Variants in CNGB3 observed in about 807,000 individuals in gnomAD.
The protein encoded by CNGB3 is cyclic nucleotide gated channel subunit beta 3, also known as cyclic nucleotide-gated channel beta-3.
CNGB3 carries 86 observed loss-of-function variants against 92.8 expected under a neutral mutation model. That is an observed-to-expected ratio of 0.93 (90% CI 0.78 to 1.11). The LOEUF (loss-of-function observed/expected upper bound fraction) is 1.11, where lower values mean the gene tolerates loss of function less well. Ranked by LOEUF, CNGB3 falls within the 50% of genes least tolerant of loss-of-function variation. The pLI, the probability that CNGB3 is intolerant of heterozygous loss-of-function variation, is 0.00. For missense variants in CNGB3, 1,026 were observed against 956.8 expected (o/e 1.07, Z -0.95); for synonymous variants, 333 against 332.7 (o/e 1.00, Z -0.01).
intron 2 of CNGB3, among the ~76,000 whole-genome samples, chr8:86,734,847 A>C (rs1443315812): frequency 6.6e-6 from 1 of 152,094 alleles, no homozygotes; most frequent in Non-Finnish European, 1.5e-5. Flanking sequence ...GGGATTTACC[A>C]ACCTCAATGC....
At chr8:86,697,953 T>C (rs1259797994) in intron 3 of CNGB3, among the ~76,000 whole-genome samples, 3 of 152,190 alleles carry the variant, frequency 2.0e-5, no homozygotes, top group Admixed American at 2.0e-4. Flanking sequence ...CATCCATGTC[T>C]CTACAAAGGA....
At chr8:86,728,586 T>G (rs1825104351) in intron 2 of CNGB3, among the ~76,000 whole-genome samples, 1 of 152,180 alleles carries the variant, frequency 6.6e-6, no homozygotes, top group Non-Finnish European at 1.5e-5. Flanking sequence ...CTTGGACAAT[T>G]ACTGTATGAT....
intron 3 of CNGB3, among the ~76,000 whole-genome samples, chr8:86,672,507 C>T (rs1484915666): frequency 1.3e-5 from 2 of 152,182 alleles, no homozygotes; most frequent in African/African-American, 4.8e-5. Flanking sequence ...TCCCTCAGAG[C>T]TCTCACTGTC....
chr8:86,580,190 C>CGGGGGT (rs1554604959), intron 15 of CNGB3, among the ~76,000 whole-genome samples: 1 of 45,044 alleles, frequency 2.2e-5, no homozygotes, highest in African/African-American at 7.1e-5. Flanking sequence ...GAGAATAGCA[C>CGGGGGT]GGGGGGGGTG....
rs1366501874 is a variant in CNGB3 at position 86,613,906 on chromosome 8, A to G, written c.1579-2235T>C. ...TATAATATAAAAATTATATATGTATATATAATATGTACATATAATATATAA... is the reference window on the plus strand; with the variant it reads ...TATAATATAAAAATTATATATGTATGTATAATATGTACATATAATATATAA... On this transcript the variant is annotated intron_variant, in intron 13 of 17. Transcript: ENST00000320005. Among the ~76,000 whole-genome samples, 3 of 147,846 alleles carry G rather than the reference A, an allele frequency of 2.0e-5. No individual in the cohort carries two copies. The East Asian group carries it at 5.8e-4, about 29-fold the overall frequency.
chr8:86,687,303 C>T (rs1156392738), intron 3 of CNGB3, among the ~76,000 whole-genome samples: 6 of 151,910 alleles, frequency 3.9e-5, no homozygotes, highest in Admixed American at 3.9e-4. Context: ...GCCAAGTGTC[C>T]ATCATTAGAT....
intron 13 of CNGB3, among the ~76,000 whole-genome samples, chr8:86,615,217 A>G (rs975510522): frequency 1.3e-5 from 2 of 152,130 alleles, no homozygotes; most frequent in African/African-American, 4.8e-5. Flanking sequence ...TATTTTTTTC[A>G]ATACTGAAAA....
intron 13 of CNGB3, among the ~76,000 whole-genome samples, chr8:86,625,582 A>T (rs915225423): frequency 6.6e-6 from 1 of 152,210 alleles, no homozygotes; most frequent in Non-Finnish European, 1.5e-5. Flanking sequence ...AATAGAAGAC[A>T]TGATTAGGTA....
intron 6 of CNGB3, chr8:86,657,650 C>T: frequency 2.4e-6 from 1 of 419,602 alleles, no homozygotes; most frequent in Non-Finnish European, 4.8e-6. Context: ...CTGGAGCGGG[C>T]TAATCAACAG....
chr8:86,654,581 A>C (rs2131603450), intron 6 of CNGB3, among the ~76,000 whole-genome samples: 1 of 152,342 alleles, frequency 6.6e-6, no homozygotes, highest in East Asian at 1.9e-4. Context: ...ACTAAATTTA[A>C]CTAGTGCCTA....
intron 6 of CNGB3, among the ~76,000 whole-genome samples, chr8:86,663,938 TAA>T (rs1445670570): frequency 1.3e-5 from 2 of 152,234 alleles, no homozygotes; most frequent in Non-Finnish European, 2.9e-5. Flanking sequence ...AAATTGAAAA[TAA>T]AAGTCTCCCT....
intron 10 of CNGB3, among the ~76,000 whole-genome samples, chr8:86,643,016 A>G (rs986092210): frequency 4.6e-5 from 7 of 151,572 alleles, no homozygotes; most frequent in Non-Finnish European, 8.9e-5. Context: ...AAGTTACCTT[A>G]CTGCTCAGTT....
chr8:86,660,785 A>G (rs1212305201), intron 6 of CNGB3: 10 of 514,384 alleles, frequency 1.9e-5, no homozygotes. Flanking sequence ...ATAAAATGGA[A>G]AATTGTCCTG....
chr8:86,733,407 A>C (rs1289101377), intron 2 of CNGB3, among the ~76,000 whole-genome samples: 1 of 152,366 alleles, frequency 6.6e-6, no homozygotes, highest in African/African-American at 2.4e-5. Context: ...TGAACATACA[A>C]GAATGCATGT....
chr8:86,657,148 A>G (rs186694356), intron 6 of CNGB3, among the ~76,000 whole-genome samples: 15 of 152,280 alleles, frequency 9.9e-5, no homozygotes, highest in African/African-American at 3.1e-4. Context: ...CTGCAAATAA[A>G]TCAACCCTAT....
chr8:86,714,232 C>T (rs1824804988), intron 3 of CNGB3, among the ~76,000 whole-genome samples: 1 of 152,136 alleles, frequency 6.6e-6, no homozygotes, highest in Non-Finnish European at 1.5e-5. Flanking sequence ...CTTGTCTTCA[C>T]AGTTTTGCCT....
chr8:86,691,895 C>A (rs1837743), intron 3 of CNGB3, among the ~76,000 whole-genome samples: 83,584 of 151,310 alleles, frequency 0.55, 23,789 homozygotes, highest in South Asian at 0.71. Context: ...ACTGCTTTTG[C>A]TGTATCCAAG....
intron 10 of CNGB3, among the ~76,000 whole-genome samples, chr8:86,633,167 T>C (rs1822995432): frequency 6.6e-6 from 1 of 152,212 alleles, no homozygotes; most frequent in Admixed American, 6.5e-5. Context: ...TATAGTTTTA[T>C]GGGTCAGAAT....
At chr8:86,733,290 T>A (rs922813176) in intron 2 of CNGB3, among the ~76,000 whole-genome samples, 12 of 152,296 alleles carry the variant, frequency 7.9e-5, no homozygotes, top group African/African-American at 2.9e-4. Flanking sequence ...TTTTTATGGG[T>A]GTGTGGTATT....
Sources: allele counts gnomAD v4.1 joint callset (sites outside exome capture counted in the v4.1 genomes callset), GRCh38; gene constraint gnomAD v4.1.1; transcripts MANE v1.5; gene names NCBI Gene and HGNC (gene_info 2026-07-23, HGNC 2026-07-21).